The following CHRNA7 variants were observed in gnomAD, a reference collection of about 807,000 sequenced individuals.
CHRNA7 encodes cholinergic receptor nicotinic alpha 7 subunit.
CHRNA7 carries 17 observed loss-of-function variants against 48.0 expected under a neutral mutation model. That is an observed-to-expected ratio of 0.35 (90% CI 0.24 to 0.53). CHRNA7 has a LOEUF of 0.53. Ranked by LOEUF, CHRNA7 falls within the 20% of genes least tolerant of loss-of-function variation. The pLI, the probability that CHRNA7 is intolerant of heterozygous loss-of-function variation, is 0.92. For missense variants in CHRNA7, 155 were observed against 577.7 expected (o/e 0.27, Z 7.50); for synonymous variants, 75 against 242.3 (o/e 0.31, Z 6.41).
intron 2 of CHRNA7, among the ~76,000 whole-genome samples, chr15:32,048,790 T>C (rs992844203): frequency 6.6e-6 from 1 of 152,068 alleles, no homozygotes; most frequent in Non-Finnish European, 1.5e-5. Flanking sequence ...CTTTCCTGCT[T>C]TCTCTTGTGG....
At chr15:32,131,844 A>G (rs895573354) in intron 4 of CHRNA7, among the ~76,000 whole-genome samples, 1 of 152,030 alleles carries the variant, frequency 6.6e-6, no homozygotes, top group African/African-American at 2.4e-5. Flanking sequence ...CTAGCAGAGG[A>G]GGGAGGACAC....
intron 4 of CHRNA7, among the ~76,000 whole-genome samples, chr15:32,131,985 G>A (rs1452811897): frequency 6.6e-6 from 1 of 152,154 alleles, no homozygotes; most frequent in Non-Finnish European, 1.5e-5. Flanking sequence ...GAAACAGCAG[G>A]AGGCGGCTGG....
chr15:32,032,149 G>A (rs886397158), intron 2 of CHRNA7, among the ~76,000 whole-genome samples: 6 of 152,166 alleles, frequency 3.9e-5, no homozygotes, highest in Non-Finnish European at 7.4e-5. Flanking sequence ...CCTTTCCAAC[G>A]CTACACTCGC....
At chr15:32,114,128 A>G (rs960228270) in intron 4 of CHRNA7, among the ~76,000 whole-genome samples, 8 of 146,580 alleles carry the variant, frequency 5.5e-5, no homozygotes, top group Admixed American at 4.7e-4. Flanking sequence ...ATACATATAC[A>G]TACACACACA....
chr15:32,059,944 C>CAAAAAAAAAAAAAAAAAAA (rs34200550), intron 2 of CHRNA7, among the ~76,000 whole-genome samples: 2 of 33,052 alleles, frequency 6.1e-5, no homozygotes, highest in Non-Finnish European at 9.9e-5. Flanking sequence ...AGTAGAAAAG[C>CAAAAAAAAAAAAAAAAAAA]AAAAAAAAAA....
chr15:32,135,694 A>G (rs1034666555), intron 4 of CHRNA7, among the ~76,000 whole-genome samples: 1 of 152,202 alleles, frequency 6.6e-6, no homozygotes, highest in Non-Finnish European at 1.5e-5. Context: ...AATATTGATG[A>G]AAAACATACA....
intron 3 of CHRNA7, chr15:32,111,436 G>A (rs1340575025): frequency 5.4e-6 from 1 of 185,866 alleles, no homozygotes; most frequent in East Asian, 1.4e-4. Context: ...TTTTTTCGAA[G>A]TATTCTTACA....
At chr15:32,164,913 TAAAAAAAAA>T (rs1164824394) in intron 9 of CHRNA7, among the ~76,000 whole-genome samples, 3 of 15,958 alleles carry the variant, frequency 1.9e-4, no homozygotes, top group Admixed American at 1.2e-3. Context: ...CTCCATCTCC[TAAAAAAAAA>T]AAAAAAAAAA....
chr15:32,067,459 C>T (rs1386569382), intron 2 of CHRNA7, among the ~76,000 whole-genome samples: 1 of 152,146 alleles, frequency 6.6e-6, no homozygotes, highest in Non-Finnish European at 1.5e-5. Context: ...AATGCATTTT[C>T]CAATTTTAGA....
rs188854263 is a variant in CHRNA7, at chr15:32,104,600, C to T, written c.240+3253C>T. On this transcript the variant is annotated intron_variant, in intron 3 of 9. Coordinates refer to ENST00000306901, the MANE Select transcript of CHRNA7 (RefSeq NM_000746.6). ...TGGGGGACAGGGCTCCAGGTGCATT[C>T]GGTCACTGCCGTACCCACAGCCCCT... Among the ~76,000 whole-genome samples the T allele has an allele frequency of 3.5e-3, 535 of 152,260 alleles. 3 individuals are homozygous for T. The highest frequency in any genetic ancestry group is 0.012 in the African/African-American group (515 of 41,546).
intron 4 of CHRNA7, among the ~76,000 whole-genome samples, chr15:32,123,636 A>G (rs1210338407): frequency 2.0e-5 from 3 of 152,180 alleles, no homozygotes; most frequent in African/African-American, 7.2e-5. Context: ...ACTGGCTGGA[A>G]AGAAGATGGA....
intron 2 of CHRNA7, among the ~76,000 whole-genome samples, chr15:32,037,019 T>C (rs1267902454): frequency 1.3e-5 from 2 of 152,220 alleles, no homozygotes; most frequent in African/African-American, 4.8e-5. Flanking sequence ...TCCAAGGTCA[T>C]ACAGGTTTTC....
chr15:32,044,912 T>C (rs927859638), intron 2 of CHRNA7, among the ~76,000 whole-genome samples: 8 of 152,230 alleles, frequency 5.3e-5, no homozygotes, highest in Admixed American at 2.0e-4. Flanking sequence ...CTCCTATTCT[T>C]TGCGGCAATT....
chr15:32,058,122 C>G (rs2141199873), intron 2 of CHRNA7, among the ~76,000 whole-genome samples: 1 of 152,270 alleles, frequency 6.6e-6, no homozygotes, highest in East Asian at 1.9e-4. Flanking sequence ...AATTCTGCTT[C>G]CTGCACTCTA....
chr15:32,062,054 G>A (rs1474654480), intron 2 of CHRNA7, among the ~76,000 whole-genome samples: 1 of 152,108 alleles, frequency 6.6e-6, no homozygotes, highest in East Asian at 1.9e-4. Flanking sequence ...GAGGATTATT[G>A]TTCTCTGCTT....
At chr15:32,049,644 A>C (rs1029094416) in intron 2 of CHRNA7, among the ~76,000 whole-genome samples, 2 of 152,180 alleles carry the variant, frequency 1.3e-5, no homozygotes, top group Non-Finnish European at 1.5e-5. Context: ...TAGTCCATTT[A>C]CATTTGAAGT....
chr15:32,054,901 G>A (rs1319248900), intron 2 of CHRNA7, among the ~76,000 whole-genome samples: 1 of 152,212 alleles, frequency 6.6e-6, no homozygotes, highest in Non-Finnish European at 1.5e-5. Flanking sequence ...CTCTGATACA[G>A]ACGTAAAAGT....
chr15:32,060,301 A>T (rs879352418), intron 2 of CHRNA7, among the ~76,000 whole-genome samples: 2 of 152,216 alleles, frequency 1.3e-5, no homozygotes, highest in South Asian at 2.1e-4. Flanking sequence ...TTCTATATCT[A>T]TATCATCTAT....
chr15:32,093,215 C>T lies in CHRNA7; in HGVS notation c.196-8088C>T, dbSNP rs572559803. Reference sequence around the variant, plus strand: ...CCTCTACTCCACAATCTTCCTATCACTACCCATTGTCAGCTCTGCTAATTC... The same window carrying T: ...CCTCTACTCCACAATCTTCCTATCATTACCCATTGTCAGCTCTGCTAATTC... On this transcript the variant is annotated intron_variant, in intron 2 of 9. Transcript: ENST00000306901. Among the ~76,000 whole-genome samples the T allele has an allele frequency of 6.6e-5, 10 of 152,344 alleles. 1 individual carries two copies. In the South Asian group the frequency reaches 1.0e-3, roughly 16 times the overall value.
Sources: allele counts gnomAD v4.1 joint callset (sites outside exome capture counted in the v4.1 genomes callset), GRCh38; gene constraint gnomAD v4.1.1; transcripts MANE v1.5; gene names NCBI Gene and HGNC (gene_info 2026-07-23, HGNC 2026-07-21).